HMCN2: variants seen among roughly 807,000 people sequenced by gnomAD.
HMCN2 encodes hemicentin-2.
HMCN2 carries 325 observed loss-of-function variants against 377.5 expected under a neutral mutation model. That is an observed-to-expected ratio of 0.86 (90% confidence interval 0.79 to 0.94). HMCN2 has a LOEUF of 0.94. Among genes scored for constraint, HMCN2 ranks in the 40% least tolerant of loss-of-function variants. The pLI is 0.00. For missense variants in HMCN2, 4,543 were observed against 4,725.3 expected (o/e 0.96, Z 1.13); for synonymous variants, 2,007 against 2,046.8 (o/e 0.98, Z 0.53).
rs1047236332 is a variant in HMCN2 at position 130,375,589 on chromosome 9, G to A, written c.7657G>A (p.Glu2553Lys). 5.8e-5 allele frequency: 57 copies of A among 985,762 alleles called. No homozygotes were observed. The African/African-American group carries it at 7.0e-4, about 12-fold the overall frequency. The allele number at this position is 985,762 out of a possible 1,614,324, so 61.1% of individuals were successfully genotyped here. ...LLAPTILGGA[E>K]DSADEEVTVT... ...GGCTCCCACCATCCTGGGAGGGGCC[G>A]AGGACAGTGCAGATGAGGAGGTGAC... Residue 2553 changes from glutamate to lysine, a missense_variant, in exon 50 of 98, where the codon GAG (glutamate) becomes AAG (lysine). This residue lies in a region of HMCN2 where 736 missense variants were observed against 773.2 expected (regional missense o/e 0.95). Coordinates refer to ENST00000683500, the MANE Select transcript of HMCN2 (RefSeq NM_001291815.2).
intron 1 of HMCN2, among the ~76,000 whole-genome samples, chr9:130,277,188 C>T (rs1307914625): frequency 6.6e-6 from 1 of 152,248 alleles, no homozygotes; most frequent in Non-Finnish European, 1.5e-5. Context: ...GTGGAAAAAA[C>T]CCCGCCTGTG....
chr9:130,304,055 G>A lies in HMCN2; in HGVS notation c.1543+447G>A, dbSNP rs1453559947. Among the ~76,000 whole-genome samples, 4 of 152,214 alleles carry A rather than the reference G, an allele frequency of 2.6e-5. No individual in the cohort carries two copies. Among genetic ancestry groups the A allele is most frequent in the Non-Finnish European group, 4.4e-5 (3 of 68,032 alleles). ...GCAAGCTGCTTTGTAGAGAAAAAAA[G>A]GAACCCGTAAGCGTGGAAAGATCAG... On this transcript the variant is annotated intron_variant, in intron 10 of 97. Coordinates refer to ENST00000683500, the MANE Select transcript of HMCN2 (RefSeq NM_001291815.2). This position sits in a 1 kb window ranked among gnomAD's most constrained non-coding sequence, Gnocchi z 4.3.
Position 130,304,865 on chromosome 9 carries a change from C to G in HMCN2, c.1679C>G (p.Ser560Trp), listed in dbSNP as rs1554936055. Reference protein sequence around the residue: ...WVRDWRVLPASTGRVAQLADL... With the variant: ...WVRDWRVLPAWTGRVAQLADL... ...CGGGACTGGCGAGTCCTGCCGGCCT[C>G]GACGGGCCGAGTTGCCCAGCTGGCT... Residue 560 changes from serine to tryptophan, a missense_variant, in exon 11 of 98, where the codon TCG becomes TGG. Ser to Trp is a radical substitution (Grantham distance 177). This residue lies in a region of HMCN2 where 547 missense variants were observed against 189.9 expected (regional missense o/e 2.88). Coordinates refer to ENST00000683500, the MANE Select transcript of HMCN2 (RefSeq NM_001291815.2). This position sits in a 1 kb window ranked among gnomAD's most constrained non-coding sequence, Gnocchi z 4.3. 4.2e-6 allele frequency: 2 copies of G among 470,998 alleles called. No homozygotes were observed. Among genetic ancestry groups the G allele is most frequent in the Non-Finnish European group, 8.8e-6 (2 of 227,062 alleles). 29.2% of individuals were successfully genotyped at this position (470,998 alleles called of 1,614,324 possible).
intron 89 of HMCN2, 47 bp from the exon 90 acceptor site, chr9:130,425,640 C>G: frequency 5.5e-6 from 5 of 901,272 alleles, no homozygotes; most frequent in Non-Finnish European, 8.6e-6. Context: ...ACCCCTTTCT[C>G]CCTCTCCCCC....
In HMCN2 at chr9:130,395,065, C is replaced by A. The variant is rs2048308430; in HGVS notation, c.10731C>A (p.Ser3577Arg). Residue 3577 changes from serine to arginine, a missense_variant, in exon 70 of 98, where the codon AGC becomes AGA. Coordinates refer to ENST00000683500, the MANE Select transcript of HMCN2 (RefSeq NM_001291815.2). ...GGCTGTACACTTGTCTGGCTGAAAG[C>A]CCTGCAGGTGCAATTGAGAAGAGCT... ...DAGLYTCLAE[S>R]PAGAIEKSFR... is the part of the protein sequence containing the mutation. The A allele has an allele frequency of 7.8e-7, 1 of 1,288,058 alleles. No individual in the cohort carries two copies. The highest frequency in any genetic ancestry group is 1.0e-6 in the Non-Finnish European group (1 of 988,626). 79.8% of individuals were successfully genotyped at this position (1,288,058 alleles called of 1,614,324 possible).
Position 130,382,341 on chromosome 9 carries a change from C to G in HMCN2, c.8545+44C>G, listed in dbSNP as rs938965899. ...AGGTGGGGATTCCCGGGACTGCAAG[C>G]GCCGTAAGGGCCTCCCTCAGAAGGG... On this transcript the variant is annotated intron_variant, in intron 55 of 97. Coordinates refer to ENST00000683500, the MANE Select transcript of HMCN2 (RefSeq NM_001291815.2). The G allele has an allele frequency of 1.7e-5, 15 of 901,288 alleles. No individual in the cohort carries two copies. In the African/African-American group the frequency reaches 2.7e-4, roughly 16 times the overall value. The allele number at this position is 901,288 out of a possible 1,614,324, so 55.8% of individuals were successfully genotyped here.
Position 130,354,819 on chromosome 9 carries a change from G to A in HMCN2, c.4921G>A (p.Gly1641Arg), listed in dbSNP as rs907969922. 37 of 1,304,202 alleles carry A rather than the reference G, an allele frequency of 2.8e-5. No homozygotes were observed. Among genetic ancestry groups the A allele is most frequent in the Non-Finnish European group, 3.6e-5 (36 of 988,912 alleles). The allele number at this position is 1,304,202 out of a possible 1,614,324, so 80.8% of individuals were successfully genotyped here. Residue 1641 changes from glycine to arginine, a missense_variant, in exon 32 of 98, where the codon GGG becomes AGG. By Grantham distance (125) the Gly-to-Arg change is moderately radical (BLOSUM62 -2). Coordinates refer to ENST00000683500, the MANE Select transcript of HMCN2 (RefSeq NM_001291815.2). ...ACCATACGTGGTGAAGGCTGTGGCT[G>A]GGAGGCCTGTGGCGCTGGAGTGCGT... ...GRPYVVKAVA[G>R]RPVALECVAR...
Position 130,372,292 on chromosome 9 carries a change from AG to A in HMCN2, c.7238del. 1.0e-6 allele frequency: 1 copy of A among 983,380 alleles called. No individual in the cohort carries two copies. Among genetic ancestry groups the A allele is most frequent in the Non-Finnish European group, 1.2e-6 (1 of 827,668 alleles). The allele number at this position is 983,380 out of a possible 1,614,324, so 60.9% of individuals were successfully genotyped here. ...TTGGGGCCCACGCCCCTCCCTCCCC[AG>A]GTGGCTGGATGCTGAAGATGACTCA... On this transcript the variant is annotated splice_acceptor_variant, in intron 46 of 97. Coordinates refer to ENST00000683500, the MANE Select transcript of HMCN2 (RefSeq NM_001291815.2). LOFTEE classifies it high-confidence loss of function.
chr9:130,383,581 C>G lies in HMCN2; in HGVS notation c.8811C>G (p.Leu2937=). ...ACCAGGCGGGCTCCGCTGAGAAGCT[C>G]TTCACCCTCAGGGTTCAAGGTGAGC... The part of the protein sequence containing the change: ...AENQAGSAEK[L]FTLRVQVPPR... Residue 2937 remains leucine (L), a synonymous_variant, in exon 57 of 98, where the codon CTC becomes CTG. Coordinates refer to ENST00000683500, the MANE Select transcript of HMCN2 (RefSeq NM_001291815.2). The G allele has an allele frequency of 1.0e-6, 1 of 985,998 alleles. No homozygotes were observed. Among genetic ancestry groups the G allele is most frequent in the Admixed American group, 6.1e-5 (1 of 16,290 alleles). The allele number at this position is 985,998 out of a possible 1,614,324, so 61.1% of individuals were successfully genotyped here.
chr9:130,395,028 T>C lies in HMCN2; in HGVS notation c.10694T>C (p.Val3565Ala). ...TRVLRVENVQ[V>A]RDAGLYTCLA... ...CTGCTCAACCCGCTCCATCCCCAGG[T>C]TAGGGATGCTGGGCTGTACACTTGT... The change falls in exon 70 of 98, where the codon GTT (valine) becomes GCT (alanine). Residue 3565 changes from valine to alanine, a missense_variant and splice_region_variant. Transcript: ENST00000683500. 1 of 1,284,972 alleles carries C rather than the reference T, an allele frequency of 7.8e-7. No individual in the cohort carries two copies. The highest frequency in any genetic ancestry group is 1.0e-6 in the Non-Finnish European group (1 of 986,630). The allele number at this position is 1,284,972 out of a possible 1,614,324, so 79.6% of individuals were successfully genotyped here. A position where few individuals can be genotyped will look rare whatever the true frequency, so the allele number is the denominator to read the frequency against.
intron 78 of HMCN2, 146 bp downstream of exon 78, chr9:130,403,042 G>A: frequency 1.9e-6 from 2 of 1,029,764 alleles, no homozygotes; most frequent in Non-Finnish European, 1.3e-6. Context: ...GGCAGGAAAA[G>A]AATCAGCCAT....
rs1244036189 is a variant in HMCN2, at chr9:130,356,255, A to G, written c.5423A>G (p.His1808Arg). The change falls in exon 34 of 98, where the codon CAT becomes CGT. Residue 1808 changes from histidine (H) to arginine (R), a missense_variant and splice_region_variant. His to Arg is a conservative substitution (Grantham distance 29, BLOSUM62 0). Coordinates refer to ENST00000683500, the MANE Select transcript of HMCN2 (RefSeq NM_001291815.2). ...TAGAEVEVSV[H>R]EFPSVSIIGG... ...GGGGCCGAGGTGGAGGTGTCTGTGC[A>G]TGGTGAGTGGGCGCCTGGGGTTCTG... is the stretch of plus-strand genomic sequence containing the variant. 7.7e-7 allele frequency: 1 copy of G among 1,295,034 alleles called. No homozygotes were observed. Among genetic ancestry groups the G allele is most frequent in the Non-Finnish European group, 1.0e-6 (1 of 985,940 alleles). The allele number at this position is 1,295,034 out of a possible 1,614,324, so 80.2% of individuals were successfully genotyped here. A position where few individuals can be genotyped will look rare whatever the true frequency, so the allele number is the denominator to read the frequency against.
intron 53 of HMCN2, among the ~76,000 whole-genome samples, chr9:130,378,099 G>T (rs953391186): frequency 6.6e-6 from 1 of 152,080 alleles, no homozygotes; most frequent in African/African-American, 2.4e-5. Flanking sequence ...CTCTCGCGTT[G>T]TTAGGGAAAC....
chr9:130,343,285 G>A (rs1243402260), intron 25 of HMCN2, among the ~76,000 whole-genome samples: 1 of 152,244 alleles, frequency 6.6e-6, no homozygotes, highest in African/African-American at 2.4e-5. Context: ...TCTGGAGGGT[G>A]CTGTCTGGTG....
chr9:130,278,517 A>G (rs1834924680), intron 1 of HMCN2, among the ~76,000 whole-genome samples: 1 of 152,196 alleles, frequency 6.6e-6, no homozygotes, highest in Admixed American at 6.5e-5. Flanking sequence ...ACAAGGTTGA[A>G]AAGTGTTCTT....
chr9:130,429,813 C>A, intron 94 of HMCN2, 128 bp downstream of exon 94: 3 of 1,424,018 alleles, frequency 2.1e-6, no homozygotes, highest in Middle Eastern at 4.9e-4. Flanking sequence ...AGCTCAGGGG[C>A]TGAGGGTGTC....
At chr9:130,375,284 G>T (rs1161931921) in intron 49 of HMCN2, among the ~76,000 whole-genome samples, 1 of 152,200 alleles carries the variant, frequency 6.6e-6, no homozygotes, top group Non-Finnish European at 1.5e-5. Flanking sequence ...TTGGTAGAGA[G>T]GCTGGATGTT....
At chr9:130,341,614 G>A (rs1839050746) in intron 24 of HMCN2, among the ~76,000 whole-genome samples, 2 of 152,170 alleles carry the variant, frequency 1.3e-5, no homozygotes, top group African/African-American at 4.8e-5. Context: ...GGGATTCCCT[G>A]TACTCCTTAC....
At chr9:130,338,753 T>C (rs1446525005) in intron 23 of HMCN2, 1 of 152,240 alleles carries the variant, frequency 6.6e-6, no homozygotes, top group African/African-American at 2.4e-5. Context: ...GGCCCAACTA[T>C]GGCCCAAGGG....
Sources: gnomAD v4.1 joint callset for allele counts (sites outside exome capture counted in the v4.1 genomes callset) on GRCh38, gnomAD v4.1.1 for gene constraint, gnomAD v4.1.1 regional missense constraint, Gnocchi (gnomAD v3.1) non-coding constraint, MANE v1.5 for transcripts, NCBI Gene and HGNC (gene_info 2026-07-23, HGNC 2026-07-21) for gene names.